CNTN4: variants seen among roughly 807,000 people sequenced by gnomAD.
The protein encoded by CNTN4 is contactin 4.
In CNTN4, 77 loss-of-function variants were observed where a neutral mutation model predicts 122.5. The observed-to-expected ratio is 0.63, with a 90% confidence interval of 0.52 to 0.76. The LOEUF is 0.76. Among genes scored for constraint, CNTN4 ranks in the 30% least tolerant of loss-of-function variants. The pLI, the probability that CNTN4 is intolerant of heterozygous loss-of-function variation, is 0.00. For synonymous variants in CNTN4, 512 were observed against 447.0 expected (o/e 1.15, Z -1.83); for missense variants, 1,256 against 1,259.1 (o/e 1.00, Z 0.04).
intron 2 of CNTN4, among the ~76,000 whole-genome samples, chr3:2,292,407 T>G (rs1286472712): frequency 6.6e-6 from 1 of 152,202 alleles, no homozygotes; most frequent in Non-Finnish European, 1.5e-5. Flanking sequence ...ATGACAACTT[T>G]GTTTTGCTTT....
chr3:2,674,773 A>G (rs1349980988), intron 4 of CNTN4, among the ~76,000 whole-genome samples: 68 of 129,206 alleles, frequency 5.3e-4, no homozygotes, highest in African/African-American at 1.8e-3. Context: ...ACAAACAAAC[A>G]AAAAAACAAA....
intron 3 of CNTN4, among the ~76,000 whole-genome samples, chr3:2,550,439 G>C (rs2078448021): frequency 6.6e-6 from 1 of 152,120 alleles, no homozygotes; most frequent in East Asian, 1.9e-4. Flanking sequence ...TCATTAAAAA[G>C]TCAGGAAACA....
chr3:2,524,383 T>C (rs1203268060), intron 3 of CNTN4, among the ~76,000 whole-genome samples: 1 of 152,158 alleles, frequency 6.6e-6, no homozygotes. Context: ...TATCCATTCT[T>C]TAGTTGATGG....
intron 3 of CNTN4, among the ~76,000 whole-genome samples, chr3:2,382,260 C>G (rs1208165465): frequency 6.6e-6 from 1 of 151,800 alleles, no homozygotes; most frequent in East Asian, 1.9e-4. Context: ...ACCTCTGCCC[C>G]CCGGGTTCAA....
At chr3:2,892,009 G>A (rs2094047179) in intron 10 of CNTN4, among the ~76,000 whole-genome samples, 1 of 152,176 alleles carries the variant, frequency 6.6e-6, no homozygotes, top group Non-Finnish European at 1.5e-5. Context: ...TTTGGAGTTA[G>A]AGCCAATAGG....
At chr3:2,340,177 C>T (rs1261842091) in intron 3 of CNTN4, among the ~76,000 whole-genome samples, 1 of 152,104 alleles carries the variant, frequency 6.6e-6, no homozygotes, top group Non-Finnish European at 1.5e-5. Context: ...TTCAACAGAT[C>T]TTTTAGGGAC....
chr3:2,677,483 T>C (rs2084931083), intron 4 of CNTN4, among the ~76,000 whole-genome samples: 1 of 56,982 alleles, frequency 1.8e-5, no homozygotes, highest in Non-Finnish European at 3.4e-5. Context: ...TATCCATCTA[T>C]ATCTATCTAT....
chr3:2,684,252 G>A (rs1303631854), intron 4 of CNTN4, among the ~76,000 whole-genome samples: 2 of 152,168 alleles, frequency 1.3e-5, no homozygotes, highest in Admixed American at 1.3e-4. Context: ...GGGAGAGTAA[G>A]ATGAATGAAT....
chr3:2,911,277 T>G (rs77832365), intron 12 of CNTN4, among the ~76,000 whole-genome samples: 2,957 of 152,122 alleles, frequency 0.019, 101 homozygotes, highest in African/African-American at 0.068. Context: ...AGAGGGAAAT[T>G]TAATGCTTCC....
chr3:2,261,067 A>G (rs2040816733), intron 2 of CNTN4, among the ~76,000 whole-genome samples: 1 of 152,144 alleles, frequency 6.6e-6, no homozygotes, highest in African/African-American at 2.4e-5. Flanking sequence ...TGTGTAGCAT[A>G]TTCACTACCA....
chr3:2,188,029 G>A (rs1481948057), intron 2 of CNTN4, among the ~76,000 whole-genome samples: 1 of 152,118 alleles, frequency 6.6e-6, no homozygotes. Flanking sequence ...AAAAAAGTGG[G>A]TTTGCTATAC....
intron 2 of CNTN4, among the ~76,000 whole-genome samples, chr3:2,168,861 T>C (rs951898831): frequency 1.3e-5 from 2 of 152,172 alleles, no homozygotes; most frequent in Non-Finnish European, 2.9e-5. Context: ...CTTTGTTTTT[T>C]CGAAAAGAAA....
At chr3:2,834,898 CTTTT>C (rs71058653) in intron 7 of CNTN4, among the ~76,000 whole-genome samples, 919 of 60,380 alleles carry the variant, frequency 0.015, 10 homozygotes, top group Middle Eastern at 0.11. Flanking sequence ...TAAAGGCAAC[CTTTT>C]TTTTTTTTTT....
In CNTN4 at chr3:2,257,840, G is replaced by A. The variant is rs540998831; in HGVS notation, c.-144-81338G>A. ...GCACCTTGGGAGGCCGAGGTGGGCC[G>A]ATCACGAGGTCAGGAGTTGGATATC... On this transcript the variant is annotated intron_variant, in intron 2 of 24. Transcript: ENST00000418658. 3.5e-4 allele frequency among the ~76,000 whole-genome samples: 53 copies of A among 152,224 alleles called. 1 individual carries two copies. Among genetic ancestry groups the A allele is most frequent in the African/African-American group, 1.2e-3 (48 of 41,548 alleles).
In CNTN4 at chr3:2,977,879, T is replaced by A. The variant is rs550093477; in HGVS notation, c.1359-10466T>A. Among the ~76,000 whole-genome samples the A allele has an allele frequency of 2.6e-5, 4 of 152,188 alleles. No individual in the cohort carries two copies. In the South Asian group the frequency reaches 8.3e-4, roughly 32 times the overall value. On this transcript the variant is annotated intron_variant, in intron 13 of 24. Coordinates refer to ENST00000418658, the MANE Select transcript of CNTN4 (RefSeq NM_175607.3). ...TAATCCAATGACTGATGTCCTTATG[T>A]AAGGAGAGGGAAATTTGGATACAGA...
At chr3:2,726,473 A>G (rs2088231760) in intron 4 of CNTN4, among the ~76,000 whole-genome samples, 1 of 152,204 alleles carries the variant, frequency 6.6e-6, no homozygotes, top group South Asian at 2.1e-4. Flanking sequence ...AAAGAGTAGA[A>G]TGCTCTTACC....
At chr3:2,896,038 A>T (rs1289539774) in intron 10 of CNTN4, among the ~76,000 whole-genome samples, 2 of 152,076 alleles carry the variant, frequency 1.3e-5, no homozygotes, top group Non-Finnish European at 2.9e-5. Flanking sequence ...GTCTCAAAAA[A>T]AATAAATAAA....
chr3:2,419,769 A>G (rs1410609010), intron 3 of CNTN4, among the ~76,000 whole-genome samples: 3 of 152,206 alleles, frequency 2.0e-5, no homozygotes, highest in Non-Finnish European at 2.9e-5. Flanking sequence ...TGAGTTTACC[A>G]TGTCTTTCAA....
intron 3 of CNTN4, among the ~76,000 whole-genome samples, chr3:2,407,431 C>T (rs1187207757): frequency 6.6e-6 from 1 of 151,442 alleles, no homozygotes; most frequent in Admixed American, 6.6e-5. Flanking sequence ...ACCACTTTGT[C>T]TATGGGTAAA....
Sources: gnomAD v4.1 joint callset for allele counts (sites outside exome capture counted in the v4.1 genomes callset) on GRCh38, gnomAD v4.1.1 for gene constraint, MANE v1.5 for transcripts, NCBI Gene and HGNC (gene_info 2026-07-23, HGNC 2026-07-21) for gene names.